Variants in SUCLG2 observed in about 807,000 individuals in gnomAD.
SUCLG2 encodes succinate-CoA ligase GDP-forming subunit beta, also known as succinate--CoA ligase [GDP-forming] subunit beta, mitochondrial.
In SUCLG2, 42 loss-of-function variants were observed where a neutral mutation model predicts 47.9. That is an observed-to-expected ratio of 0.88 (90% CI 0.69 to 1.14). The LOEUF is 1.14. Among genes scored for constraint, SUCLG2 ranks in the 50% most tolerant of loss-of-function variants. The pLI is 0.00. For synonymous variants in SUCLG2, 195 were observed against 197.3 expected (o/e 0.99, Z 0.10); for missense variants, 571 against 525.9 (o/e 1.09, Z -0.84).
downstream of SUCLG2, among the ~76,000 whole-genome samples, chr3:67,370,481 C>A (rs1701938102): frequency 6.6e-6 from 1 of 152,110 alleles, no homozygotes; most frequent in African/African-American, 2.4e-5. Context: ...AGATCATATA[C>A]ATGAAGAGTG....
chr3:67,576,659 C>T (rs920085657), intron 2 of SUCLG2, among the ~76,000 whole-genome samples: 1 of 152,174 alleles, frequency 6.6e-6, no homozygotes. Context: ...AAATAGAAAC[C>T]TTCTCGAAGA....
chr3:67,454,446 A>G (rs1704132564), intron 9 of SUCLG2, among the ~76,000 whole-genome samples: 1 of 152,158 alleles, frequency 6.6e-6, no homozygotes, highest in Non-Finnish European at 1.5e-5. Flanking sequence ...CAGCCTACCC[A>G]TGTATCCTCT....
intron 10 of SUCLG2, among the ~76,000 whole-genome samples, chr3:67,364,173 TCTGA>T (rs1701845303): frequency 6.6e-6 from 1 of 152,114 alleles, no homozygotes; most frequent in Non-Finnish European, 1.5e-5. Context: ...ATTGGGGAGC[TCTGA>T]CTTTCACCCT....
At chr3:67,642,916 CTCTGTGTGTGTGTG>C (rs1045824752) in intron 1 of SUCLG2, among the ~76,000 whole-genome samples, 4 of 120,028 alleles carry the variant, frequency 3.3e-5, no homozygotes, top group Admixed American at 9.2e-5. Flanking sequence ...CAGAAAAGGA[CTCTGTGTGTGTGTG>C]TGTGTGTGTG....
At chr3:67,418,325 C>T (rs1007875363) in intron 9 of SUCLG2, among the ~76,000 whole-genome samples, 2 of 152,162 alleles carry the variant, frequency 1.3e-5, no homozygotes, top group African/African-American at 2.4e-5. Flanking sequence ...TAATTCAACC[C>T]TTTCCAAACT....
chr3:67,577,909 C>T (rs1707784394), intron 2 of SUCLG2, among the ~76,000 whole-genome samples: 1 of 152,132 alleles, frequency 6.6e-6, no homozygotes, highest in Non-Finnish European at 1.5e-5. Flanking sequence ...AGGAAGGATA[C>T]CCTCTCAAGA....
intron 2 of SUCLG2, among the ~76,000 whole-genome samples, chr3:67,534,768 C>CAAAAAAAAAAAAAAAAAAAAAAAA (rs60612549): frequency 2.9e-5 from 1 of 34,932 alleles, no homozygotes; most frequent in African/African-American, 8.9e-5. Flanking sequence ...ACACTGATGG[C>CAAAAAAAAAAAAAAAAAAAAAAAA]AAAAAAAAAA....
At chr3:67,594,978 C>T (rs559934483) in intron 2 of SUCLG2, among the ~76,000 whole-genome samples, 107 of 152,264 alleles carry the variant, frequency 7.0e-4, no homozygotes, top group African/African-American at 2.5e-3. Flanking sequence ...ACTCCAATAA[C>T]GATACCCCCT....
At chr3:67,593,236 A>G (rs1370023752) in intron 2 of SUCLG2, among the ~76,000 whole-genome samples, 1 of 135,976 alleles carries the variant, frequency 7.4e-6, no homozygotes, top group Non-Finnish European at 1.6e-5. Flanking sequence ...TCTACCCTAT[A>G]GGATATTTGC....
chr3:67,436,532 A>C (rs1413394391), intron 9 of SUCLG2, among the ~76,000 whole-genome samples: 2 of 152,192 alleles, frequency 1.3e-5, no homozygotes, highest in Non-Finnish European at 2.9e-5. Context: ...TCACTGGTTG[A>C]AGGATTCGGA....
At chr3:67,390,068 T>A (rs767519984) in intron 10 of SUCLG2, among the ~76,000 whole-genome samples, 1 of 152,252 alleles carries the variant, frequency 6.6e-6, no homozygotes, top group African/African-American at 2.4e-5. Flanking sequence ...ATTTATTAAG[T>A]ACTTTCTAAG....
chr3:67,530,059 C>G lies in SUCLG2; in HGVS notation c.227-873G>C, dbSNP rs149389100. 4.1e-3 allele frequency among the ~76,000 whole-genome samples: 631 copies of G among 152,322 alleles called. 8 individuals are homozygous for G. The East Asian group carries it at 0.053, about 13-fold the overall frequency. ...CCAAATAGCACACAACTGCAGACCA[C>G]AGCTGATATCCTCTGTTTGTGAGTC... On this transcript the variant is annotated intron_variant, in intron 2 of 10. Transcript: ENST00000307227.
intron 9 of SUCLG2, among the ~76,000 whole-genome samples, chr3:67,435,052 A>C (rs1703582882): frequency 6.6e-6 from 1 of 152,172 alleles, no homozygotes; most frequent in South Asian, 2.1e-4. Flanking sequence ...CTTTTTCTGC[A>C]CTCACTTGCT....
intron 2 of SUCLG2, among the ~76,000 whole-genome samples, chr3:67,535,721 C>G (rs1706522465): frequency 6.6e-6 from 1 of 152,158 alleles, no homozygotes; most frequent in African/African-American, 2.4e-5. Flanking sequence ...TTGGGACAAA[C>G]AGCTGGACAC....
At chr3:67,388,431 T>G (rs1038675902) in intron 10 of SUCLG2, among the ~76,000 whole-genome samples, 1 of 152,196 alleles carries the variant, frequency 6.6e-6, no homozygotes, top group South Asian at 2.1e-4. Context: ...ACACTCAACA[T>G]GAAACTACCA....
rs189095727 is a variant in SUCLG2, at chr3:67,569,682, A to G, written c.226+39773T>C. ...GCCTGTTCGCCTATTTGGGAAGCAG[A>G]TAACTTGTCTGGTTTCACAAATTCA... On this transcript the variant is annotated intron_variant, in intron 2 of 10. Transcript: ENST00000307227. Among the ~76,000 whole-genome samples, 507 of 152,334 alleles carry G rather than the reference A, an allele frequency of 3.3e-3. 2 individuals carry two copies. Among genetic ancestry groups the G allele is most frequent in the African/African-American group, 0.012 (483 of 41,572 alleles).
At chr3:67,644,117 C>T (rs1201916694) in intron 1 of SUCLG2, among the ~76,000 whole-genome samples, 1 of 152,068 alleles carries the variant, frequency 6.6e-6, no homozygotes, top group Non-Finnish European at 1.5e-5. Context: ...GTAGCCCAAG[C>T]TACATATGAT....
At chr3:67,382,536 G>A (rs141429483) in intron 10 of SUCLG2, among the ~76,000 whole-genome samples, 424 of 152,296 alleles carry the variant, frequency 2.8e-3, no homozygotes, top group African/African-American at 9.6e-3. Context: ...GCAAAATTGA[G>A]CCAGCTGCCT....
chr3:67,422,449 T>TA (rs1703184085), intron 9 of SUCLG2, among the ~76,000 whole-genome samples: 1 of 94,676 alleles, frequency 1.1e-5, no homozygotes, highest in Admixed American at 1.7e-4. Flanking sequence ...CACTCCGGCC[T>TA]GGTGACAGAG....
Sources: gnomAD v4.1 joint callset for allele counts (sites outside exome capture counted in the v4.1 genomes callset) on GRCh38, gnomAD v4.1.1 for gene constraint, MANE v1.5 for transcripts, NCBI Gene and HGNC (gene_info 2026-07-23, HGNC 2026-07-21) for gene names.